The following PSD3 variants were observed in gnomAD, a reference collection of about 807,000 sequenced individuals.
PSD3 encodes pleckstrin and Sec7 domain containing 3.
In PSD3, 49 loss-of-function variants were observed where a neutral mutation model predicts 105.5. That is an observed-to-expected ratio of 0.46 (90% CI 0.37 to 0.59). PSD3 has a LOEUF of 0.59. Ranked by LOEUF, PSD3 falls within the 20% of genes least tolerant of loss-of-function variation. The pLI, the probability that PSD3 is intolerant of heterozygous loss-of-function variation, is 0.00. For missense variants in PSD3, 1,561 were observed against 1,263.8 expected, an observed-to-expected ratio of 1.24 and a Z score of -3.57; for synonymous variants, 557 against 457.8, an observed-to-expected ratio of 1.22 and a Z score of -2.77.
chr8:18,907,120 C>G (rs554212293), intron 2 of PSD3, among the ~76,000 whole-genome samples: 2 of 152,268 alleles, frequency 1.3e-5, no homozygotes, highest in South Asian at 4.1e-4. Flanking sequence ...AAAATAGTTA[C>G]AGTAATCTAA....
chr8:18,935,995 T>A lies in PSD3; in HGVS notation c.130+39A>T, dbSNP rs748475412. The A allele has an allele frequency of 4.7e-5, 63 of 1,334,220 alleles. 1 individual carries two copies. In the South Asian group the frequency reaches 7.3e-4, roughly 15 times the overall value. 82.6% of individuals were successfully genotyped at this position (1,334,220 alleles called of 1,614,324 possible). A position where few individuals can be genotyped will look rare whatever the true frequency, so the allele number is the denominator to read the frequency against. ...ATCACTTTGAAATCACAGCTCTTCA[T>A]ATAGTTTACCTGGGAGAGGGATATG... On this transcript the variant is annotated intron_variant, in intron 2 of 15. Coordinates refer to ENST00000327040, the MANE Select transcript of PSD3 (RefSeq NM_015310.4).
At chr8:18,722,911 C>T (rs1409638081) in intron 9 of PSD3, among the ~76,000 whole-genome samples, 1 of 152,214 alleles carries the variant, frequency 6.6e-6, no homozygotes, top group Non-Finnish European at 1.5e-5. Flanking sequence ...CAATGAGCAA[C>T]AATTATAGAA....
intron 4 of PSD3, among the ~76,000 whole-genome samples, chr8:18,829,292 G>T (rs1022390732): frequency 1.3e-5 from 2 of 151,988 alleles, no homozygotes; most frequent in Non-Finnish European, 2.9e-5. Context: ...AATTTGAAAA[G>T]TATGTTCTCT....
chr8:18,622,128 A>G (rs1216850446), intron 11 of PSD3, among the ~76,000 whole-genome samples: 3 of 152,214 alleles, frequency 2.0e-5, no homozygotes, highest in Non-Finnish European at 4.4e-5. Context: ...TGAACCACAC[A>G]TAGTTCTCAC....
chr8:18,584,507 A>C (rs12542831), intron 12 of PSD3, among the ~76,000 whole-genome samples: 2 of 152,078 alleles, frequency 1.3e-5, no homozygotes, highest in Admixed American at 1.3e-4. Flanking sequence ...CCAGCTTTTC[A>C]ATTTAAAAAA....
chr8:18,779,119 A>C (rs335233), intron 8 of PSD3, among the ~76,000 whole-genome samples: 144,618 of 152,214 alleles, frequency 0.95, 68,903 homozygotes, highest in Non-Finnish European at 0.98. Context: ...TTATTACTGA[A>C]TCAGTTTCAT....
In PSD3 at chr8:18,909,635, T is replaced by C. The variant is rs140994411; in HGVS notation, c.130+26399A>G. Among the ~76,000 whole-genome samples the C allele has an allele frequency of 7.9e-5, 12 of 152,110 alleles. No individual in the cohort carries two copies. The East Asian group carries it at 1.9e-3, about 25-fold the overall frequency. ...AGCAGCTCGGACTACAGGCTCACGT[T>C]ACCATGCCCGGCTAATTTTTGTATT... On this transcript the variant is annotated intron_variant, in intron 2 of 15. Transcript: ENST00000327040.
intron 1 of PSD3, among the ~76,000 whole-genome samples, chr8:19,053,177 T>C (rs184248346): frequency 7.2e-4 from 109 of 152,230 alleles, no homozygotes; most frequent in African/African-American, 2.4e-3. Flanking sequence ...TAAAGTCATC[T>C]TAGGAAGGTG....
chr8:18,564,032 A>T (rs1801573425), intron 14 of PSD3, among the ~76,000 whole-genome samples: 1 of 152,172 alleles, frequency 6.6e-6, no homozygotes, highest in Non-Finnish European at 1.5e-5. Flanking sequence ...CATGTCTAAC[A>T]GTGCTGAACT....
chr8:18,978,269 A>G (rs1414237762), intron 1 of PSD3, among the ~76,000 whole-genome samples: 1 of 152,208 alleles, frequency 6.6e-6, no homozygotes, highest in African/African-American at 2.4e-5. Context: ...ACAGCAGCAA[A>G]TCCATAACGG....
chr8:18,915,917 G>A (rs759486347), intron 2 of PSD3, among the ~76,000 whole-genome samples: 5 of 152,000 alleles, frequency 3.3e-5, no homozygotes, highest in African/African-American at 7.3e-5. Context: ...CCAACATGGA[G>A]AAACCCTGTC....
chr8:19,022,681 T>C (rs1207383739), intron 1 of PSD3, among the ~76,000 whole-genome samples: 4 of 152,212 alleles, frequency 2.6e-5, no homozygotes, highest in African/African-American at 9.6e-5. Flanking sequence ...AACAGGTCTC[T>C]TTGAACTCCT....
intron 2 of PSD3, among the ~76,000 whole-genome samples, chr8:18,879,621 A>C (rs1265419798): frequency 6.6e-6 from 1 of 151,912 alleles, no homozygotes; most frequent in Non-Finnish European, 1.5e-5. Flanking sequence ...ATAGGGTCTC[A>C]CTCTGACACC....
At chr8:18,872,880 A>T (rs1455268367) in intron 2 of PSD3, 147 bp from the exon 3 acceptor site, 1 of 774,754 alleles carries the variant, frequency 1.3e-6, no homozygotes, top group African/African-American at 1.8e-5. Context: ...ACCCTGTAAC[A>T]CACACTCCTC....
At chr8:19,057,277 T>G (rs1018153698) in intron 1 of PSD3, among the ~76,000 whole-genome samples, 1 of 152,092 alleles carries the variant, frequency 6.6e-6, no homozygotes, top group South Asian at 2.1e-4. Flanking sequence ...ACTCCAAGAG[T>G]GGTATACACA....
intron 1 of PSD3, among the ~76,000 whole-genome samples, chr8:18,977,230 A>G (rs552487194): frequency 7.0e-6 from 1 of 142,106 alleles, no homozygotes; most frequent in African/African-American, 2.6e-5. Flanking sequence ...ACTGCACTCT[A>G]GCCTGGGCAA....
chr8:19,025,716 C>T (rs1352539513), intron 1 of PSD3, among the ~76,000 whole-genome samples: 2 of 152,172 alleles, frequency 1.3e-5, no homozygotes, highest in Non-Finnish European at 2.9e-5. Flanking sequence ...TTTTAACTTG[C>T]GGGTATGACG....
rs76884873 is a variant in PSD3 at position 18,640,875 on chromosome 8, G to A, written c.2217-8069C>T. Among the ~76,000 whole-genome samples, 544 of 152,242 alleles carry A rather than the reference G, an allele frequency of 3.6e-3. 13 individuals are homozygous for A. In the East Asian group the frequency reaches 0.061, roughly 17 times the overall value. The stretch of plus-strand genomic sequence containing the variant: ...CTACTTCTTTGGCATCAGGTAAACC[G>A]CTCTATCCCTTTTGCCTTACTATGT... On this transcript the variant is annotated intron_variant, in intron 10 of 15. Transcript: ENST00000327040.
chr8:18,594,129 A>ATAT (rs368421667), intron 12 of PSD3, among the ~76,000 whole-genome samples: 7,403 of 30,050 alleles, frequency 0.25, 2,350 homozygotes, highest in Middle Eastern at 0.39. Flanking sequence ...ATAATAATAT[A>ATAT]TATTATATAT....
Sources: allele counts gnomAD v4.1 joint callset (sites outside exome capture counted in the v4.1 genomes callset), GRCh38; gene constraint gnomAD v4.1.1; transcripts MANE v1.5; gene names NCBI Gene and HGNC (gene_info 2026-07-23, HGNC 2026-07-21).